The following HDAC9 variants were observed in gnomAD, a reference collection of about 807,000 sequenced individuals.
The protein encoded by HDAC9 is histone deacetylase 9.
A neutral mutation model predicts 139.4 loss-of-function variants in HDAC9; 41 were observed. The observed-to-expected ratio is 0.29, with a 90% confidence interval of 0.23 to 0.38. HDAC9 has a LOEUF of 0.38. HDAC9 is among the 10% of genes least tolerant of loss of function. HDAC9 has a pLI of 1.00. For missense variants in HDAC9, 1,147 were observed against 1,297.0 expected, an observed-to-expected ratio of 0.88 and a Z score of 1.78; for synonymous variants, 517 against 476.2, an observed-to-expected ratio of 1.09 and a Z score of -1.12.
chr7:18,355,373 A>G (rs987953108), intron 1 of HDAC9, among the ~76,000 whole-genome samples: 1 of 152,176 alleles, frequency 6.6e-6, no homozygotes, highest in Non-Finnish European at 1.5e-5. Flanking sequence ...TAGGCTCTTT[A>G]TACTACCAGA....
chr7:18,147,827 A>G (rs1038026886), intron 1 of HDAC9, among the ~76,000 whole-genome samples: 1 of 151,962 alleles, frequency 6.6e-6, no homozygotes, highest in Admixed American at 6.5e-5. Context: ...TGAACTTTAT[A>G]TATGTGGTAT....
At chr7:18,608,911 C>G (rs1584050994) in intron 6 of HDAC9, among the ~76,000 whole-genome samples, 2 of 152,268 alleles carry the variant, frequency 1.3e-5, no homozygotes, top group East Asian at 3.9e-4. Context: ...TGAGGAACTA[C>G]TATTTCATAT....
intron 1 of HDAC9, among the ~76,000 whole-genome samples, chr7:18,120,894 T>A (rs1254312681): frequency 6.6e-6 from 1 of 152,208 alleles, no homozygotes; most frequent in Non-Finnish European, 1.5e-5. Context: ...AATCGAAGAC[T>A]CTTTGTGGGT....
rs1476794970 is a variant in HDAC9 at position 18,727,444 on chromosome 7, A to G, written c.1732-136A>G. On this transcript the variant is annotated intron_variant, in intron 12 of 25. Transcript: ENST00000686413. ...TCTTGTTTTTTCTCTCCCTTTCTCT[A>G]TTTTTTTTTTCTTTTTCCTTCACAC... The G allele has an allele frequency of 4.8e-6, 3 of 630,446 alleles. No homozygotes were observed. In the African/African-American group the frequency reaches 6.0e-5, roughly 13 times the overall value. The allele number at this position is 630,446 out of a possible 1,614,324, so 39.1% of individuals were successfully genotyped here. A position where few individuals can be genotyped will look rare whatever the true frequency, so the allele number is the denominator to read the frequency against.
intron 25 of HDAC9, among the ~76,000 whole-genome samples, chr7:18,984,241 C>T (rs17435702): frequency 0.3 from 45,092 of 151,820 alleles, 7,799 homozygotes; most frequent in Non-Finnish European, 0.39. Context: ...ACTCAAGATC[C>T]ATTTTGGTAG....
intron 16 of HDAC9, among the ~76,000 whole-genome samples, chr7:18,787,980 C>G (rs1791962899): frequency 6.6e-6 from 1 of 152,152 alleles, no homozygotes; most frequent in East Asian, 1.9e-4. Context: ...TCAGATTCCT[C>G]TTTGAAGATG....
At chr7:18,715,247 T>A in intron 12 of HDAC9, among the ~76,000 whole-genome samples, 1 of 152,058 alleles carries the variant, frequency 6.6e-6, no homozygotes, top group East Asian at 1.9e-4. Context: ...AAAGTGTTTT[T>A]TTTTTTTAAA....
chr7:18,989,582 T>G (rs1383241897), intron 25 of HDAC9, among the ~76,000 whole-genome samples: 1 of 151,048 alleles, frequency 6.6e-6, no homozygotes, highest in Non-Finnish European at 1.5e-5. Flanking sequence ...CTGTATTTCC[T>G]GAATCTGAAT....
intron 1 of HDAC9, among the ~76,000 whole-genome samples, chr7:18,389,931 A>G (rs1786298076): frequency 6.6e-6 from 1 of 152,004 alleles, no homozygotes; most frequent in South Asian, 2.1e-4. Flanking sequence ...TTTTATATTT[A>G]TTTTGGCATT....
intron 5 of HDAC9, 96 bp downstream of exon 5, chr7:18,591,738 C>T (rs1831052588): frequency 1.3e-6 from 2 of 1,492,298 alleles, no homozygotes; most frequent in African/African-American, 1.4e-5. Context: ...TGCCATTTCT[C>T]AGCTGTCTGG....
At chr7:18,252,796 C>T (rs1795002188) in intron 2 of HDAC9, among the ~76,000 whole-genome samples, 1 of 151,772 alleles carries the variant, frequency 6.6e-6, no homozygotes, top group South Asian at 2.1e-4. Context: ...GTAAATTTAA[C>T]TCCCAAACCA....
At chr7:18,265,463 T>C (rs1795935120) in intron 2 of HDAC9, among the ~76,000 whole-genome samples, 2 of 152,180 alleles carry the variant, frequency 1.3e-5, no homozygotes, top group Admixed American at 1.3e-4. Flanking sequence ...TGACGAAGCA[T>C]GTGGCTAGAA....
At chr7:18,299,415 T>G (rs1798389148) in intron 1 of HDAC9, among the ~76,000 whole-genome samples, 1 of 152,134 alleles carries the variant, frequency 6.6e-6, no homozygotes, top group Non-Finnish European at 1.5e-5. Flanking sequence ...CAAGATATAT[T>G]TTTTTTCCTA....
intron 7 of HDAC9, among the ~76,000 whole-genome samples, 169 bp from the exon 8 acceptor site, chr7:18,634,458 A>G (rs1043725062): frequency 3.9e-5 from 6 of 152,040 alleles, no homozygotes; most frequent in Non-Finnish European, 8.8e-5. Context: ...AATAAGTGGT[A>G]TGAAAATTCA....
At chr7:18,572,364 A>G (rs1020802372) in intron 2 of HDAC9, among the ~76,000 whole-genome samples, 1 of 151,340 alleles carries the variant, frequency 6.6e-6, no homozygotes, top group African/African-American at 2.4e-5. Context: ...AATATGACAA[A>G]TAGCTATTTC....
Position 18,359,824 on chromosome 7 carries a change from G to A in HDAC9, c.-42+69309G>A, listed in dbSNP as rs1474438575. Among the ~76,000 whole-genome samples the A allele has an allele frequency of 8.5e-5, 13 of 152,172 alleles. 1 individual carries two copies. The highest frequency in any genetic ancestry group is 7.2e-4 in the Admixed American group (11 of 15,276). ...GGGTTTCACCATGTTGGGCAGGGTA[G>A]TCTTGAACTCCTGACCTCAGGTGAT... On this transcript the variant is annotated intron_variant, in intron 1 of 3. Coordinates refer to the HDAC9 transcript ENST00000413509.
chr7:18,229,084 G>C (rs1015150446), intron 2 of HDAC9, among the ~76,000 whole-genome samples: 1 of 152,136 alleles, frequency 6.6e-6, no homozygotes. Context: ...CCTATGCAAG[G>C]AAAGGGCCCT....
At chr7:18,360,806 C>T (rs578177301) in intron 1 of HDAC9, among the ~76,000 whole-genome samples, 1 of 152,190 alleles carries the variant, frequency 6.6e-6, no homozygotes, top group Non-Finnish European at 1.5e-5. Flanking sequence ...TTTATACTTA[C>T]TTACTTTCAG....
intron 1 of HDAC9, among the ~76,000 whole-genome samples, chr7:18,327,213 A>G (rs1331411096): frequency 6.6e-6 from 1 of 151,886 alleles, no homozygotes; most frequent in East Asian, 1.9e-4. Context: ...GATTAAAAAT[A>G]GTTGTGTTTA....
Sources: gnomAD v4.1 joint callset for allele counts (sites outside exome capture counted in the v4.1 genomes callset) on GRCh38, gnomAD v4.1.1 for gene constraint, MANE v1.5 for transcripts, NCBI Gene and HGNC (gene_info 2026-07-23, HGNC 2026-07-21) for gene names.